The following STXBP6 variants were observed in gnomAD, a reference collection of about 807,000 sequenced individuals.
STXBP6 encodes the protein syntaxin binding protein 6, also known as syntaxin-binding protein 6.
In STXBP6, 21 loss-of-function variants were observed where a neutral mutation model predicts 26.9. That is an observed-to-expected ratio of 0.78 (90% CI 0.55 to 1.12). The LOEUF is 1.12. Ranked by LOEUF, STXBP6 falls within the 50% of genes most tolerant of loss-of-function variation. The probability of loss-of-function intolerance (pLI) is 0.00; values close to 1 mark genes in which losing one functional copy is unlikely to be tolerated. For synonymous variants in STXBP6, 97 were observed against 92.6 expected (o/e 1.05, Z -0.27); for missense variants, 232 against 257.9 (o/e 0.90, Z 0.69).
At position 24,984,181 on chromosome 14, in the gene STXBP6, G is replaced by C. The variant is rs188830540; in HGVS notation, c.-32-9331C>G. Among the ~76,000 whole-genome samples, 241 of 152,226 alleles carry C rather than the reference G, an allele frequency of 1.6e-3. 1 individual carries two copies. The highest frequency in any genetic ancestry group is 5.1e-3 in the African/African-American group (211 of 41,532). On this transcript the variant is annotated intron_variant, in intron 1 of 5. Coordinates refer to ENST00000323944, the MANE Select transcript of STXBP6 (RefSeq NM_001394410.1). ...CGGGAGGTGGAGGTTGCAGTGAGCC[G>C]AGATCGTGCGACTGCACTCCAGCCT... is the stretch of plus-strand genomic sequence containing the variant.
At chr14:24,933,117 GATT>G (rs2072476906) in intron 2 of STXBP6, among the ~76,000 whole-genome samples, 2 of 152,334 alleles carry the variant, frequency 1.3e-5, no homozygotes, top group South Asian at 2.1e-4. Flanking sequence ...AAGGCGGATG[GATT>G]GCTTGATCTC....
chr14:24,860,018 A>T (rs1417157343), intron 2 of STXBP6, among the ~76,000 whole-genome samples: 2 of 152,168 alleles, frequency 1.3e-5, no homozygotes, highest in Non-Finnish European at 2.9e-5. Context: ...ACTTGCTACT[A>T]CCTTTCAGCT....
intron 2 of STXBP6, among the ~76,000 whole-genome samples, chr14:24,943,919 C>T (rs1254271130): frequency 6.6e-6 from 1 of 152,180 alleles, no homozygotes; most frequent in African/African-American, 2.4e-5. Context: ...ATTTACATAT[C>T]ATTGAAATTC....
Position 24,913,022 on chromosome 14 carries a change from C to G in STXBP6, c.155-55865G>C, listed in dbSNP as rs925883031. On this transcript the variant is annotated intron_variant, in intron 2 of 5. Transcript: ENST00000323944. ...ATTCTTTGCAATCCTGAGTTATGAG[C>G]CCAATCTTAATGCTGCAAACACCTA... Among the ~76,000 whole-genome samples the G allele has an allele frequency of 4.6e-5, 7 of 152,042 alleles. 2 individuals are homozygous for G. The highest frequency in any genetic ancestry group is 3.9e-4 in the Admixed American group (6 of 15,258).
intron 1 of STXBP6, among the ~76,000 whole-genome samples, chr14:25,015,020 A>AT (rs1254785819): frequency 6.6e-6 from 1 of 152,204 alleles, no homozygotes; most frequent in Non-Finnish European, 1.5e-5. Flanking sequence ...CTGCTTTTAC[A>AT]TAATATTTCA....
intron 2 of STXBP6, among the ~76,000 whole-genome samples, chr14:24,928,294 G>A (rs1223498654): frequency 6.6e-6 from 1 of 152,102 alleles, no homozygotes. Context: ...AGAATATACT[G>A]GGATATAGAA....
intron 1 of STXBP6, among the ~76,000 whole-genome samples, chr14:25,046,296 T>C (rs965454171): frequency 6.6e-6 from 1 of 152,156 alleles, no homozygotes; most frequent in African/African-American, 2.4e-5. Flanking sequence ...GGAAAAACCA[T>C]TGAAATTAAC....
At chr14:24,916,602 T>A (rs1288835626) in intron 2 of STXBP6, among the ~76,000 whole-genome samples, 1 of 152,138 alleles carries the variant, frequency 6.6e-6, no homozygotes, top group African/African-American at 2.4e-5. Context: ...TGTTTTGTTT[T>A]ATTTAAAGAA....
At chr14:24,928,428 C>T (rs938625879) in intron 2 of STXBP6, among the ~76,000 whole-genome samples, 1 of 151,770 alleles carries the variant, frequency 6.6e-6, no homozygotes, top group Non-Finnish European at 1.5e-5. Flanking sequence ...ATTCTGATCA[C>T]AGCCATATGC....
chr14:24,970,110 G>A (rs1273890026), intron 2 of STXBP6, among the ~76,000 whole-genome samples: 1 of 152,024 alleles, frequency 6.6e-6, no homozygotes, highest in African/African-American at 2.4e-5. Flanking sequence ...GTGCAGTGGT[G>A]TGCGCCTGTA....
chr14:24,879,097 C>T (rs1435798755), intron 2 of STXBP6, among the ~76,000 whole-genome samples: 1 of 151,878 alleles, frequency 6.6e-6, no homozygotes, highest in African/African-American at 2.4e-5. Flanking sequence ...ATTTAAACTA[C>T]GAGCCATGTC....
intron 2 of STXBP6, among the ~76,000 whole-genome samples, chr14:24,870,915 C>T (rs984691592): frequency 3.3e-5 from 5 of 152,198 alleles, no homozygotes; most frequent in Admixed American, 2.6e-4. Flanking sequence ...CTGGTCAGTA[C>T]TGCTATTTGA....
intron 4 of STXBP6, among the ~76,000 whole-genome samples, chr14:24,853,085 C>T (rs1387910621): frequency 6.6e-6 from 1 of 152,062 alleles, no homozygotes; most frequent in Admixed American, 6.6e-5. Flanking sequence ...AGTATTAGTT[C>T]TTTAAAATCA....
intron 2 of STXBP6, among the ~76,000 whole-genome samples, chr14:24,860,107 A>G (rs998883095): frequency 2.0e-5 from 3 of 152,208 alleles, no homozygotes; most frequent in African/African-American, 7.2e-5. Context: ...CAGTGGAGTA[A>G]CATCTCTGTC....
chr14:24,932,889 G>T (rs867595727), intron 2 of STXBP6, among the ~76,000 whole-genome samples: 1 of 151,828 alleles, frequency 6.6e-6, no homozygotes, highest in South Asian at 2.1e-4. Context: ...AAATCAACAG[G>T]CTCTGTTTTG....
At chr14:24,943,827 G>A (rs2072887627) in intron 2 of STXBP6, among the ~76,000 whole-genome samples, 1 of 152,138 alleles carries the variant, frequency 6.6e-6, no homozygotes, top group Non-Finnish European at 1.5e-5. Flanking sequence ...CTCTAGCTTT[G>A]ACTCTGAAGT....
At chr14:24,878,973 G>A (rs554444528) in intron 2 of STXBP6, among the ~76,000 whole-genome samples, 19 of 152,250 alleles carry the variant, frequency 1.2e-4, no homozygotes, top group Non-Finnish European at 2.8e-4. Context: ...ATGACCACGT[G>A]CCTTAAACAT....
At chr14:24,890,148 C>T (rs1204174019) in intron 2 of STXBP6, among the ~76,000 whole-genome samples, 2 of 152,260 alleles carry the variant, frequency 1.3e-5, no homozygotes, top group Admixed American at 1.3e-4. Flanking sequence ...CCTCACAGAG[C>T]TAGTGCCCAA....
chr14:24,964,949 A>ATC (rs2073685691), intron 2 of STXBP6, among the ~76,000 whole-genome samples: 1 of 152,212 alleles, frequency 6.6e-6, no homozygotes, highest in South Asian at 2.1e-4. Context: ...GTGAAGCAGG[A>ATC]TAAAGAGGCC....
Sources: allele counts gnomAD v4.1 joint callset (sites outside exome capture counted in the v4.1 genomes callset), GRCh38; gene constraint gnomAD v4.1.1; transcripts MANE v1.5; gene names NCBI Gene and HGNC (gene_info 2026-07-23, HGNC 2026-07-21).